Variants in AFAP1L1 observed in about 807,000 individuals in gnomAD.
The protein encoded by AFAP1L1 is actin filament-associated protein 1-like 1.
AFAP1L1 carries 77 observed loss-of-function variants against 99.8 expected under a neutral mutation model. That is an observed-to-expected ratio of 0.77 (90% CI 0.64 to 0.93). AFAP1L1 has a LOEUF of 0.93. AFAP1L1 is among the 40% of genes least tolerant of loss of function. The pLI, the probability that AFAP1L1 is intolerant of heterozygous loss-of-function variation, is 0.00. For synonymous variants in AFAP1L1, 373 were observed against 395.3 expected, an observed-to-expected ratio of 0.94 and a Z score of 0.67; for missense variants, 893 against 996.8, an observed-to-expected ratio of 0.90 and a Z score of 1.40.
intron 18 of AFAP1L1, among the ~76,000 whole-genome samples, chr5:149,336,540 G>T (rs1196253670): frequency 6.6e-6 from 1 of 152,252 alleles, no homozygotes; most frequent in Non-Finnish European, 1.5e-5. Context: ...AGGCCGAGAA[G>T]TCTCAGGTTG....
chr5:149,300,442 C>T (rs1756163972), intron 3 of AFAP1L1, 88 bp downstream of exon 3: 2 of 1,192,416 alleles, frequency 1.7e-6, no homozygotes, highest in African/African-American at 1.5e-5. Context: ...CTGGGCTTGG[C>T]TCTAACATCG....
At chr5:149,298,684 C>G (rs918306672) in intron 1 of AFAP1L1, among the ~76,000 whole-genome samples, 6 of 152,266 alleles carry the variant, frequency 3.9e-5, no homozygotes, top group Middle Eastern at 3.4e-3. Context: ...CTAAGGCAAA[C>G]CAAGTCCCAA....
intron 1 of AFAP1L1, among the ~76,000 whole-genome samples, chr5:149,281,186 G>T (rs1027706897): frequency 1.3e-5 from 2 of 152,116 alleles, no homozygotes; most frequent in African/African-American, 4.8e-5. Context: ...TGTAATGGGG[G>T]ACTCATCAGA....
At chr5:149,318,582 G>T (rs752244899) in intron 12 of AFAP1L1, among the ~76,000 whole-genome samples, 35 of 152,164 alleles carry the variant, frequency 2.3e-4, no homozygotes, top group Middle Eastern at 3.2e-3. Context: ...AGAATACTAT[G>T]GGCTCTAGAA....
chr5:149,275,434 C>T lies in AFAP1L1; in HGVS notation c.16+3450C>T, dbSNP rs529121606. On this transcript the variant is annotated intron_variant, in intron 1 of 18. Coordinates refer to ENST00000296721, the MANE Select transcript of AFAP1L1 (RefSeq NM_152406.4). ...CTTCTCTGTGCATCCAGAGAAAGAT[C>T]TCTGGTGTTTCTTCTTCTTCTTCTT... 4.6e-5 allele frequency among the ~76,000 whole-genome samples: 7 copies of T among 151,506 alleles called. No homozygotes were observed. The South Asian group carries it at 1.3e-3, about 27-fold the overall frequency.
intron 2 of AFAP1L1, among the ~76,000 whole-genome samples, chr5:149,299,959 C>T (rs1329174833): frequency 6.6e-6 from 1 of 151,958 alleles, no homozygotes; most frequent in Non-Finnish European, 1.5e-5. Flanking sequence ...CCACACTGAC[C>T]TACAACACAC....
chr5:149,322,582 C>T, intron 14 of AFAP1L1, 24 bp from the exon 15 acceptor site: 1 of 1,543,004 alleles, frequency 6.5e-7, no homozygotes, highest in Non-Finnish European at 8.8e-7. Flanking sequence ...CTGAACTTGA[C>T]TGTCTTCCTC....
chr5:149,302,395 C>T, intron 4 of AFAP1L1, 23 bp from the exon 5 acceptor site: 1 of 1,548,234 alleles, frequency 6.5e-7, no homozygotes, highest in South Asian at 1.2e-5. Flanking sequence ...GCTCCCCTAG[C>T]CCTCTTTTTT....
In AFAP1L1 at chr5:149,342,972, C is replaced by CTGTGTTCT. The variant is rs1757599528; in HGVS notation, c.*2942_*2943insTGTGTTCT. On this transcript the variant is annotated 3_prime_UTR_variant, in exon 19 of 19. Transcript: ENST00000296721. Reference sequence around the variant, plus strand: ...AAAGTGTAAGCCACAGGTCTAAGCCCAACACTGCCAAGTGTTCAGTCTGTC... The same window carrying CTGTGTTCT: ...AAAGTGTAAGCCACAGGTCTAAGCCCTGTGTTCTAACACTGCCAAGTGTTCAGTCTGTC... 6.6e-6 allele frequency among the ~76,000 whole-genome samples: 1 copy of CTGTGTTCT among 152,008 alleles called. No homozygotes were observed. Among genetic ancestry groups the CTGTGTTCT allele is most frequent in the African/African-American group, 2.4e-5 (1 of 41,380 alleles).
At chr5:149,316,884 G>T (rs1756812985) in intron 11 of AFAP1L1, among the ~76,000 whole-genome samples, 4 of 152,198 alleles carry the variant, frequency 2.6e-5, no homozygotes, top group African/African-American at 7.2e-5. Flanking sequence ...ACATGGCAAG[G>T]CCAGGCACAG....
At chr5:149,292,071 G>A (rs1306198003) in intron 1 of AFAP1L1, among the ~76,000 whole-genome samples, 1 of 152,238 alleles carries the variant, frequency 6.6e-6, no homozygotes, top group African/African-American at 2.4e-5. Flanking sequence ...TAATGAATTT[G>A]TAATTTGCAA....
At chr5:149,275,350 G>A (rs747433542) in intron 1 of AFAP1L1, among the ~76,000 whole-genome samples, 6 of 152,142 alleles carry the variant, frequency 3.9e-5, no homozygotes, top group Non-Finnish European at 7.4e-5. Context: ...GGTTAGTGTC[G>A]GGTGGGACCT....
At chr5:149,291,725 C>T (rs1307244065) in intron 1 of AFAP1L1, among the ~76,000 whole-genome samples, 1 of 152,032 alleles carries the variant, frequency 6.6e-6, no homozygotes, top group Non-Finnish European at 1.5e-5. Context: ...TATGTTAATA[C>T]AGTATGCAGA....
rs1051378646 is a variant in AFAP1L1, at chr5:149,332,846, C to T, written c.2127C>T (p.Leu709=). 2 of 1,606,484 alleles carry T rather than the reference C, an allele frequency of 1.2e-6. No homozygotes were observed. Among genetic ancestry groups the T allele is most frequent in the African/African-American group, 1.3e-5 (1 of 74,838 alleles). Residue 709 remains leucine (L), a synonymous_variant, in exon 17 of 19, where the codon CTC becomes CTT. Coordinates refer to ENST00000296721, the MANE Select transcript of AFAP1L1 (RefSeq NM_152406.4). ...TGGCAGGAGGGCCAGCCCTGGGGCT[C>T]TCCGTGAGCAGCAAGCCCAAGAGTG... ...QSLAGGPALG[L]SVSSKPKSGE... is the part of the protein sequence containing the mutation.
intron 6 of AFAP1L1, 92 bp from the exon 7 acceptor site, chr5:149,307,310 C>A: frequency 1.5e-6 from 2 of 1,366,326 alleles, no homozygotes; most frequent in Non-Finnish European, 2.1e-6. Context: ...CCTTCCTAGC[C>A]TCAGTCCCCA....
intron 8 of AFAP1L1, among the ~76,000 whole-genome samples, chr5:149,310,563 T>C (rs1756596482): frequency 6.6e-6 from 1 of 152,228 alleles, no homozygotes; most frequent in Admixed American, 6.5e-5. Flanking sequence ...CCTCTGCAGC[T>C]ACACAGAACA....
intron 7 of AFAP1L1, among the ~76,000 whole-genome samples, chr5:149,307,818 T>TTCTCTCTCTCTCTCTCTCTC (rs70973517): frequency 0.045 from 4,479 of 100,414 alleles, 902 homozygotes; most frequent in East Asian, 0.11. Flanking sequence ...GTGCCTCTCT[T>TTCTCTCTCTCTCTCTCTCTC]TCTCTCTCTC....
At chr5:149,281,318 A>G (rs1755513564) in intron 1 of AFAP1L1, among the ~76,000 whole-genome samples, 1 of 152,112 alleles carries the variant, frequency 6.6e-6, no homozygotes, top group Non-Finnish European at 1.5e-5. Context: ...CATTCTCCCC[A>G]TTGGACAGAT....
chr5:149,306,399 G>C lies in AFAP1L1; in HGVS notation c.530G>C (p.Ser177Thr), dbSNP rs1756415506. 1.2e-6 allele frequency: 2 copies of C among 1,609,934 alleles called. No homozygotes were observed. Among genetic ancestry groups the C allele is most frequent in the Non-Finnish European group, 1.7e-6 (2 of 1,177,910 alleles). ...PATRVNGELK[S>T]SYNDSDAMSS... is the part of the protein sequence containing the mutation. ...ACCAGGGTGAACGGCGAGCTTAAGA[G>C]CTCCTGTAAGTACCAGGTGGGCGTC... The change falls in exon 6 of 19, where the codon AGC becomes ACC. Residue 177 changes from serine to threonine, a missense_variant. Transcript: ENST00000296721.
Sources: gnomAD v4.1 joint callset for allele counts (sites outside exome capture counted in the v4.1 genomes callset) on GRCh38, gnomAD v4.1.1 for gene constraint, MANE v1.5 for transcripts, NCBI Gene and HGNC (gene_info 2026-07-23, HGNC 2026-07-21) for gene names.